Variants in AOAH observed in about 807,000 individuals in gnomAD.
The protein encoded by AOAH is acyloxyacyl hydrolase.
AOAH carries 64 observed loss-of-function variants against 92.2 expected under a neutral mutation model. That is an observed-to-expected ratio of 0.69 (90% CI 0.57 to 0.86). The LOEUF (loss-of-function observed/expected upper bound fraction) is 0.86. Ranked by LOEUF, AOAH falls within the 40% of genes least tolerant of loss-of-function variation. The probability of loss-of-function intolerance (pLI) is 0.00; values close to 1 mark genes in which losing one functional copy is unlikely to be tolerated. For synonymous variants in AOAH, 263 were observed against 254.5 expected (o/e 1.03, Z -0.32); for missense variants, 656 against 694.6 (o/e 0.94, Z 0.62).
At chr7:36,649,062 A>C (rs1325276056) in intron 4 of AOAH, among the ~76,000 whole-genome samples, 1 of 152,222 alleles carries the variant, frequency 6.6e-6, no homozygotes, top group East Asian at 1.9e-4. Context: ...CACTTAGTCC[A>C]ATTTCAAATC....
chr7:36,642,553 C>A (rs1254493285), intron 4 of AOAH, among the ~76,000 whole-genome samples: 1 of 152,182 alleles, frequency 6.6e-6, no homozygotes, highest in Non-Finnish European at 1.5e-5. Context: ...GTGGTCACAG[C>A]CCCCACAGAC....
intron 4 of AOAH, among the ~76,000 whole-genome samples, chr7:36,642,375 C>T (rs537594820): frequency 1.4e-3 from 218 of 152,090 alleles, no homozygotes; most frequent in African/African-American, 4.9e-3. Context: ...ATGCTATCTA[C>T]GAGAAATGTC....
chr7:36,610,510 T>A (rs1040089766), intron 11 of AOAH, among the ~76,000 whole-genome samples: 10 of 141,602 alleles, frequency 7.1e-5, no homozygotes, highest in South Asian at 2.3e-4. Context: ...TTTTTTTTTT[T>A]TAAAAAAAAA....
chr7:36,513,064 C>T lies in AOAH; in HGVS notation c.*188G>A, dbSNP rs750155662. The T allele has an allele frequency of 1.4e-5, 22 of 1,549,266 alleles. No individual in the cohort carries two copies. In the Middle Eastern group the frequency reaches 8.3e-4, roughly 58 times the overall value. On this transcript the variant is annotated 3_prime_UTR_variant, in exon 21 of 21. Transcript: ENST00000617537. ...AGGAACAGCGGAAGGGTTACTGATC[C>T]CGGGAGCACACAGCATTGCACAGTC... is the stretch of plus-strand genomic sequence containing the variant.
intron 9 of AOAH, 82 bp from the exon 10 acceptor site, chr7:36,618,427 A>T: frequency 7.6e-7 from 1 of 1,312,996 alleles, no homozygotes; most frequent in South Asian, 1.2e-5. Flanking sequence ...AAATGGCTTT[A>T]AAAGCACAAA....
intron 6 of AOAH, among the ~76,000 whole-genome samples, chr7:36,630,493 T>C (rs1251909422): frequency 6.6e-6 from 1 of 152,200 alleles, no homozygotes; most frequent in East Asian, 1.9e-4. Flanking sequence ...TGTGTAGCAT[T>C]CGCAGTCTTG....
intron 20 of AOAH, among the ~76,000 whole-genome samples, chr7:36,517,228 C>CTTTCTG (rs200489121): frequency 1.8e-5 from 1 of 54,784 alleles, no homozygotes; most frequent in African/African-American, 6.0e-5. Context: ...TTCTTTCTGT[C>CTTTCTG]TCTCTCTCTC....
intron 4 of AOAH, among the ~76,000 whole-genome samples, chr7:36,648,629 C>CTT (rs751147956): frequency 7.1e-4 from 93 of 131,228 alleles, no homozygotes; most frequent in Middle Eastern, 3.8e-3. Context: ...TTTATGGTTC[C>CTT]TTTTTTTTTT....
At chr7:36,562,006 C>T (rs1787307825) in intron 13 of AOAH, among the ~76,000 whole-genome samples, 1 of 152,150 alleles carries the variant, frequency 6.6e-6, no homozygotes, top group African/African-American at 2.4e-5. Context: ...TCTTCTTTAC[C>T]CAAATGTCTA....
intron 13 of AOAH, among the ~76,000 whole-genome samples, chr7:36,562,748 C>T (rs1473704988): frequency 2.0e-5 from 3 of 152,224 alleles, no homozygotes; most frequent in East Asian, 1.9e-4. Context: ...CCCTGGACTC[C>T]GCAATTTGGT....
chr7:36,557,761 T>G (rs1299162875), intron 13 of AOAH, among the ~76,000 whole-genome samples: 1 of 152,244 alleles, frequency 6.6e-6, no homozygotes, highest in Non-Finnish European at 1.5e-5. Context: ...ATACCCTTTC[T>G]TCCAGTTGAT....
rs546380587 is a variant in AOAH at position 36,699,379 on chromosome 7, C to T, written c.128-12585G>A. Among the ~76,000 whole-genome samples, 5 of 152,136 alleles carry T rather than the reference C, an allele frequency of 3.3e-5. No homozygotes were observed. The South Asian group carries it at 1.0e-3, about 32-fold the overall frequency. ...TATTTTCAGTTTTTTGAGGAACTTC[C>T]CTACTGTTTTCCACAGTGGCTGAAC... On this transcript the variant is annotated intron_variant, in intron 1 of 20. Transcript: ENST00000617537.
At chr7:36,692,768 A>G (rs1451786757) in intron 1 of AOAH, among the ~76,000 whole-genome samples, 1 of 152,228 alleles carries the variant, frequency 6.6e-6, no homozygotes, top group African/African-American at 2.4e-5. Flanking sequence ...GAAGAGACAC[A>G]TATGAATAAA....
chr7:36,686,868 A>G, intron 1 of AOAH, 74 bp from the exon 2 acceptor site: 1 of 885,520 alleles, frequency 1.1e-6, no homozygotes, highest in Non-Finnish European at 1.6e-6. Flanking sequence ...GAAAGAAAGG[A>G]TGCGTGTGTG....
intron 3 of AOAH, among the ~76,000 whole-genome samples, chr7:36,666,934 A>G (rs933930551): frequency 6.6e-6 from 1 of 152,208 alleles, no homozygotes; most frequent in Admixed American, 6.5e-5. Context: ...CAGACATTAT[A>G]TAATTTCTAT....
intron 15 of AOAH, among the ~76,000 whole-genome samples, chr7:36,544,334 C>G (rs1196592074): frequency 6.6e-6 from 1 of 152,104 alleles, no homozygotes; most frequent in Non-Finnish European, 1.5e-5. Flanking sequence ...ATTCTGGAGA[C>G]CAAAGAACCC....
At chr7:36,570,411 T>C (rs1304463199) in intron 13 of AOAH, among the ~76,000 whole-genome samples, 1 of 152,240 alleles carries the variant, frequency 6.6e-6, no homozygotes, top group African/African-American at 2.4e-5. Context: ...GATCCATTAA[T>C]CTGTTGATGA....
At chr7:36,595,199 T>C (rs182172493) in intron 11 of AOAH, among the ~76,000 whole-genome samples, 198 of 152,250 alleles carry the variant, frequency 1.3e-3, no homozygotes, top group African/African-American at 4.6e-3. Flanking sequence ...TTATCTAAAT[T>C]GGTATGTTTG....
At chr7:36,522,203 C>T in intron 19 of AOAH, 88 bp from the exon 20 acceptor site, 1 of 1,217,144 alleles carries the variant, frequency 8.2e-7, no homozygotes, top group Admixed American at 1.9e-5. Flanking sequence ...ACTGCCCATG[C>T]CCTCCCGGGC....
Sources: allele counts gnomAD v4.1 joint callset (sites outside exome capture counted in the v4.1 genomes callset), GRCh38; gene constraint gnomAD v4.1.1; transcripts MANE v1.5; gene names NCBI Gene and HGNC (gene_info 2026-07-23, HGNC 2026-07-21).